COL25A1: variants seen among roughly 807,000 people sequenced by gnomAD.
The protein encoded by COL25A1 is collagen type XXV alpha 1 chain, also known as collagen alpha-1(XXV) chain.
COL25A1 carries 103 observed loss-of-function variants against 128.4 expected under a neutral mutation model. The observed-to-expected ratio is 0.80, with a 90% confidence interval of 0.68 to 0.94. The LOEUF (loss-of-function observed/expected upper bound fraction) is 0.94. Among genes scored for constraint, COL25A1 ranks in the 40% least tolerant of loss-of-function variants. The pLI, the probability that COL25A1 is intolerant of heterozygous loss-of-function variation, is 0.00. For synonymous variants in COL25A1, 279 were observed against 277.2 expected, an observed-to-expected ratio of 1.01 and a Z score of -0.06; for missense variants, 745 against 840.0, an observed-to-expected ratio of 0.89 and a Z score of 1.40.
At position 108,964,685 on chromosome 4, in the gene COL25A1, A is replaced by G. The variant is rs965323632; in HGVS notation, c.492+9682T>C. Among the ~76,000 whole-genome samples, 2 of 152,098 alleles carry G rather than the reference A, an allele frequency of 1.3e-5. 1 individual carries two copies. Among genetic ancestry groups the G allele is most frequent in the South Asian group, 4.1e-4 (2 of 4,828 alleles). ...TACCATTGTTTGTAAAAAATAATTT[A>G]TTTTCTAAATTGACCGATATTAGGA... On this transcript the variant is annotated intron_variant, in intron 8 of 37. Coordinates refer to ENST00000399132, the MANE Select transcript of COL25A1 (RefSeq NM_198721.4).
chr4:109,024,393 A>G (rs1758053267), intron 5 of COL25A1, among the ~76,000 whole-genome samples: 1 of 152,032 alleles, frequency 6.6e-6, no homozygotes, highest in Admixed American at 6.6e-5. Context: ...ATACTGTAGT[A>G]TACAAAATAC....
chr4:109,222,738 C>G (rs1303979745), intron 3 of COL25A1, among the ~76,000 whole-genome samples: 1 of 152,130 alleles, frequency 6.6e-6, no homozygotes, highest in Non-Finnish European at 1.5e-5. Flanking sequence ...CCAAAGGAGG[C>G]TGTCCATTTT....
intron 5 of COL25A1, among the ~76,000 whole-genome samples, chr4:109,023,708 A>T (rs1724443): frequency 0.5 from 76,203 of 151,934 alleles, 21,881 homozygotes; most frequent in African/African-American, 0.77. Flanking sequence ...ATGGATGTCA[A>T]TTACAAGAGA....
rs192358396 is a variant in COL25A1 at position 109,267,454 on chromosome 4, A to T, written c.367+33129T>A. On this transcript the variant is annotated intron_variant, in intron 3 of 37. Transcript: ENST00000399132. ...AATCTAAAAAAGAAAAACAAACCAA[A>T]GAAACTAGAAAATAACCCAATTAAA... Among the ~76,000 whole-genome samples, 901 of 152,326 alleles carry T rather than the reference A, an allele frequency of 5.9e-3. 7 individuals carry two copies. Among genetic ancestry groups the T allele is most frequent in the Non-Finnish European group, 9.7e-3 (659 of 68,012 alleles).
intron 3 of COL25A1, among the ~76,000 whole-genome samples, chr4:109,291,302 T>C (rs1433166963): frequency 6.6e-6 from 1 of 152,156 alleles, no homozygotes; most frequent in Non-Finnish European, 1.5e-5. Flanking sequence ...ATGTATTGTA[T>C]ATCTTGCTCA....
intron 3 of COL25A1, among the ~76,000 whole-genome samples, chr4:109,123,408 C>G (rs537117537): frequency 6.6e-6 from 1 of 151,800 alleles, no homozygotes; most frequent in East Asian, 1.9e-4. Context: ...CTAAATGAAA[C>G]CTTATTTTAA....
chr4:109,175,685 AT>A (rs1398381887), intron 3 of COL25A1, among the ~76,000 whole-genome samples: 1 of 152,234 alleles, frequency 6.6e-6, no homozygotes, highest in Non-Finnish European at 1.5e-5. Flanking sequence ...AGCGAATAAA[AT>A]ATTTCAATAT....
intron 37 of COL25A1, among the ~76,000 whole-genome samples, chr4:108,814,173 A>G (rs932672898): frequency 8.5e-5 from 13 of 152,158 alleles, no homozygotes; most frequent in Non-Finnish European, 5.9e-5. Flanking sequence ...GCCACTGAGA[A>G]TTATCTTTCC....
chr4:108,958,363 G>C (rs1750307608), intron 8 of COL25A1, among the ~76,000 whole-genome samples: 1 of 151,778 alleles, frequency 6.6e-6, no homozygotes, highest in East Asian at 1.9e-4. Context: ...TTAAAACATG[G>C]GTGTTTCTAG....
chr4:108,830,549 G>A (rs997925999), intron 32 of COL25A1, among the ~76,000 whole-genome samples: 2 of 152,170 alleles, frequency 1.3e-5, no homozygotes, highest in Non-Finnish European at 2.9e-5. Context: ...TTCCAGTGAG[G>A]GGCACTTGGA....
intron 3 of COL25A1, among the ~76,000 whole-genome samples, chr4:109,149,516 A>G (rs1578291570): frequency 6.6e-6 from 1 of 152,114 alleles, no homozygotes; most frequent in South Asian, 2.1e-4. Flanking sequence ...ATAAAATATA[A>G]CCTCTGCCCA....
rs199876449 is a variant in COL25A1 at position 108,863,380 on chromosome 4, C to A, written c.1091G>T (p.Arg364Leu). 6.2e-7 allele frequency: 1 copy of A among 1,613,696 alleles called. No homozygotes were observed. Among genetic ancestry groups the A allele is most frequent in the East Asian group, 2.2e-5 (1 of 44,852 alleles). ...LPGLPGTKGE[R>L]GEAGPPGRGE... The stretch of plus-strand genomic sequence containing the variant: ...TCTTCCAGGAGGCCCTGCTTCCCCC[C>A]GTTCACCCTGTCACAAATTGCAAAA... The change falls in exon 21 of 38, where the codon CGG (arginine) becomes CTG (leucine). Residue 364 changes from arginine (R) to leucine (L), a missense_variant. Coordinates refer to ENST00000399132, the MANE Select transcript of COL25A1 (RefSeq NM_198721.4).
chr4:108,977,834 G>A (rs1039513439), intron 6 of COL25A1, among the ~76,000 whole-genome samples: 14 of 152,142 alleles, frequency 9.2e-5, no homozygotes, highest in African/African-American at 3.4e-4. Flanking sequence ...GCTACATCAA[G>A]GTCAACTGTT....
chr4:108,865,762 T>A (rs1351331458), intron 20 of COL25A1, among the ~76,000 whole-genome samples: 1 of 152,222 alleles, frequency 6.6e-6, no homozygotes, highest in Non-Finnish European at 1.5e-5. Flanking sequence ...CTTTTTAACA[T>A]TTATATATTT....
chr4:109,086,881 T>C lies in COL25A1; in HGVS notation c.368-36702A>G, dbSNP rs553071801. On this transcript the variant is annotated intron_variant, in intron 3 of 37. Coordinates refer to ENST00000399132, the MANE Select transcript of COL25A1 (RefSeq NM_198721.4). Reference sequence around the variant, plus strand: ...TATCACATGCTAGTGCCCACAGCATTATCAAAATACCGCAAATAAGTTCAT... The same window carrying C: ...TATCACATGCTAGTGCCCACAGCATCATCAAAATACCGCAAATAAGTTCAT... 1.1e-4 allele frequency among the ~76,000 whole-genome samples: 16 copies of C among 152,312 alleles called. No homozygotes were observed. In the South Asian group the frequency reaches 3.3e-3, roughly 32 times the overall value.
At chr4:108,901,896 C>T (rs1002272812) in intron 13 of COL25A1, among the ~76,000 whole-genome samples, 1 of 151,990 alleles carries the variant, frequency 6.6e-6, no homozygotes, top group African/African-American at 2.4e-5. Context: ...AGACAAAGCT[C>T]CCTGAAGTGC....
At chr4:108,925,239 G>A (rs1362083477) in intron 11 of COL25A1, among the ~76,000 whole-genome samples, 3 of 152,108 alleles carry the variant, frequency 2.0e-5, no homozygotes, top group Admixed American at 6.6e-5. Context: ...ACTAGTGAAT[G>A]TAGTAAGACA....
At chr4:109,298,971 T>C (rs1425010850) in intron 3 of COL25A1, among the ~76,000 whole-genome samples, 3 of 152,226 alleles carry the variant, frequency 2.0e-5, no homozygotes, top group Admixed American at 6.5e-5. Flanking sequence ...AAATTTTAAA[T>C]GTAATAGATT....
intron 19 of COL25A1, among the ~76,000 whole-genome samples, chr4:108,872,755 T>A (rs1483415625): frequency 2.2e-5 from 3 of 133,900 alleles, no homozygotes; most frequent in African/African-American, 8.0e-5. Context: ...TACACACACA[T>A]ATATCTCTCA....
Sources: gnomAD v4.1 joint callset for allele counts (sites outside exome capture counted in the v4.1 genomes callset) on GRCh38, gnomAD v4.1.1 for gene constraint, MANE v1.5 for transcripts, NCBI Gene and HGNC (gene_info 2026-07-23, HGNC 2026-07-21) for gene names.